Variants in TDRD3 observed in about 807,000 individuals in gnomAD.
The protein encoded by TDRD3 is tudor domain-containing protein 3.
TDRD3 carries 45 observed loss-of-function variants against 86.7 expected under a neutral mutation model. That is an observed-to-expected ratio of 0.52 (90% CI 0.41 to 0.67). TDRD3 has a LOEUF of 0.67. Among genes scored for constraint, TDRD3 ranks in the 30% least tolerant of loss-of-function variants. The pLI is 0.00. For missense variants in TDRD3, 814 were observed against 889.0 expected, an observed-to-expected ratio of 0.92 and a Z score of 1.07; for synonymous variants, 298 against 301.7, an observed-to-expected ratio of 0.99 and a Z score of 0.13.
At chr13:60,492,217 G>A (rs1267131528) in intron 7 of TDRD3, among the ~76,000 whole-genome samples, 1 of 152,148 alleles carries the variant, frequency 6.6e-6, no homozygotes, top group Non-Finnish European at 1.5e-5. Context: ...TATTTCACTG[G>A]CACCAAAGGA....
chr13:60,474,611 A>G (rs1000281372), intron 5 of TDRD3, among the ~76,000 whole-genome samples: 1 of 152,118 alleles, frequency 6.6e-6, no homozygotes, highest in Non-Finnish European at 1.5e-5. Context: ...TAAGACCCAT[A>G]CAATTATATG....
chr13:60,543,096 G>T (rs966367462), intron 12 of TDRD3, among the ~76,000 whole-genome samples: 3 of 152,160 alleles, frequency 2.0e-5, no homozygotes, highest in African/African-American at 7.2e-5. Flanking sequence ...TTAGTAGCCT[G>T]TCATTGGCTG....
chr13:60,439,827 A>G, intron 2 of TDRD3, 55 bp downstream of exon 2: 1 of 1,279,142 alleles, frequency 7.8e-7, no homozygotes. Context: ...TGTATTCATA[A>G]AAAAGTCTCA....
chr13:60,507,584 G>C (rs1956966393), intron 8 of TDRD3, among the ~76,000 whole-genome samples: 1 of 152,166 alleles, frequency 6.6e-6, no homozygotes, highest in African/African-American at 2.4e-5. Context: ...TCTCCTGAAT[G>C]ACTACTGGGT....
intron 10 of TDRD3, among the ~76,000 whole-genome samples, chr13:60,513,696 G>A (rs1263775679): frequency 6.6e-6 from 1 of 152,126 alleles, no homozygotes; most frequent in East Asian, 1.9e-4. Flanking sequence ...AGATCTGATG[G>A]CTTTATAAAG....
intron 12 of TDRD3, among the ~76,000 whole-genome samples, chr13:60,552,406 G>C (rs755669487): frequency 2.0e-5 from 3 of 152,250 alleles, no homozygotes; most frequent in Non-Finnish European, 1.5e-5. Flanking sequence ...AATGCAAGGG[G>C]TAGGCTCCTA....
At chr13:60,515,703 A>C (rs1045896475) in intron 10 of TDRD3, among the ~76,000 whole-genome samples, 1 of 152,236 alleles carries the variant, frequency 6.6e-6, no homozygotes, top group Non-Finnish European at 1.5e-5. Flanking sequence ...TAAAATAAAC[A>C]AACAAACACA....
At chr13:60,570,682 G>A (rs1266311782) in intron 13 of TDRD3, among the ~76,000 whole-genome samples, 1 of 152,196 alleles carries the variant, frequency 6.6e-6, no homozygotes, top group Non-Finnish European at 1.5e-5. Flanking sequence ...TTGTTTAATA[G>A]TGGACTCAAT....
chr13:60,499,377 C>T (rs1956784274), intron 8 of TDRD3, among the ~76,000 whole-genome samples: 1 of 152,232 alleles, frequency 6.6e-6, no homozygotes, highest in Non-Finnish European at 1.5e-5. Context: ...TAGTCATTGA[C>T]TTGGCAAATG....
At chr13:60,483,690 A>T in intron 5 of TDRD3, 85 bp from the exon 6 acceptor site, 1 of 1,235,694 alleles carries the variant, frequency 8.1e-7, no homozygotes, top group Non-Finnish European at 1.1e-6. Flanking sequence ...ATCTACTCAA[A>T]TAGGTAGATT....
At chr13:60,572,756 T>A (rs1202343497) in intron 13 of TDRD3, among the ~76,000 whole-genome samples, 4 of 152,216 alleles carry the variant, frequency 2.6e-5, no homozygotes, top group Non-Finnish European at 5.9e-5. Context: ...TGTAAACTTA[T>A]TTTCAAAGTC....
intron 1 of TDRD3, among the ~76,000 whole-genome samples, chr13:60,403,794 G>A (rs1188774434): frequency 6.6e-6 from 1 of 152,156 alleles, no homozygotes; most frequent in Non-Finnish European, 1.5e-5. Context: ...CTTTTCACAT[G>A]TAGTACAATT....
intron 3 of TDRD3, among the ~76,000 whole-genome samples, chr13:60,454,205 A>G (rs1318990890): frequency 1.3e-5 from 2 of 152,156 alleles, no homozygotes; most frequent in African/African-American, 2.4e-5. Context: ...TGATAGCTGT[A>G]TTTTGAAATT....
chr13:60,503,811 A>G (rs1956881782), intron 8 of TDRD3, among the ~76,000 whole-genome samples: 1 of 152,238 alleles, frequency 6.6e-6, no homozygotes, highest in Non-Finnish European at 1.5e-5. Flanking sequence ...CTATTACATG[A>G]AAATCCTGTT....
intron 11 of TDRD3, among the ~76,000 whole-genome samples, chr13:60,530,151 G>A (rs759840201): frequency 3.9e-5 from 6 of 151,942 alleles, no homozygotes; most frequent in Non-Finnish European, 8.8e-5. Context: ...TTTTGTTTTG[G>A]TTCTTGAATT....
At chr13:60,468,382 C>G (rs1955997379) in intron 5 of TDRD3, among the ~76,000 whole-genome samples, 1 of 152,146 alleles carries the variant, frequency 6.6e-6, no homozygotes, top group Non-Finnish European at 1.5e-5. Flanking sequence ...AGACCCAGAT[C>G]AAATGATTGC....
At position 60,403,549 on chromosome 13, in the gene TDRD3, T is replaced by C. The variant is rs529884968; in HGVS notation, c.41+6144T>C. On this transcript the variant is annotated intron_variant, in intron 1 of 13. Transcript: ENST00000377881. ...TTCATGTAAAAATTTGAGAAACACT[T>C]GTGAAGTCATAGCACAGCAAAGAAA... Among the ~76,000 whole-genome samples the C allele has an allele frequency of 5.9e-5, 9 of 152,274 alleles. No individual in the cohort carries two copies. In the South Asian group the frequency reaches 1.9e-3, roughly 32 times the overall value.
At chr13:60,426,586 A>G (rs1245262690) in intron 1 of TDRD3, among the ~76,000 whole-genome samples, 1 of 152,222 alleles carries the variant, frequency 6.6e-6, no homozygotes, top group East Asian at 1.9e-4. Context: ...AAATAATTCT[A>G]AAAACCTATA....
chr13:60,437,846 A>C, intron 1 of TDRD3, among the ~76,000 whole-genome samples: 1 of 152,014 alleles, frequency 6.6e-6, no homozygotes, highest in Non-Finnish European at 1.5e-5. Flanking sequence ...ATTGGTCTCA[A>C]CCTATACTTA....
Sources: allele counts gnomAD v4.1 joint callset (sites outside exome capture counted in the v4.1 genomes callset), GRCh38; gene constraint gnomAD v4.1.1; transcripts MANE v1.5; gene names NCBI Gene and HGNC (gene_info 2026-07-23, HGNC 2026-07-21).